STPG2: variants seen among roughly 807,000 people sequenced by gnomAD.
STPG2 encodes the protein sperm-tail PG-rich repeat-containing protein 2.
In STPG2, 56 loss-of-function variants were observed where a neutral mutation model predicts 54.2. The observed-to-expected ratio is 1.03, with a 90% CI of 0.83 to 1.29. STPG2 has a LOEUF of 1.29. Ranked by LOEUF, STPG2 falls within the 50% of genes most tolerant of loss-of-function variation. STPG2 has a pLI of 0.00. For synonymous variants in STPG2, 200 were observed against 181.8 expected, an observed-to-expected ratio of 1.10 and a Z score of -0.81; for missense variants, 596 against 544.9, an observed-to-expected ratio of 1.09 and a Z score of -0.93.
intron 8 of STPG2, among the ~76,000 whole-genome samples, chr4:97,928,631 G>C (rs1025580298): frequency 6.6e-6 from 1 of 151,980 alleles, no homozygotes; most frequent in Non-Finnish European, 1.5e-5. Flanking sequence ...TTGTTGTGGG[G>C]TTGTTTTTGT....
intron 10 of STPG2, 111 bp from the exon 11 acceptor site, chr4:97,559,228 G>A: frequency 1.4e-6 from 1 of 696,146 alleles, no homozygotes; most frequent in Non-Finnish European, 2.4e-6. Flanking sequence ...AAAATTAGAA[G>A]TTAAATATAT....
chr4:97,797,592 G>T (rs1727239267), intron 9 of STPG2, among the ~76,000 whole-genome samples: 2 of 152,206 alleles, frequency 1.3e-5, no homozygotes, highest in Non-Finnish European at 2.9e-5. Context: ...TGGTTAGCCA[G>T]TGTATTATTC....
rs1724167913 is a variant in STPG2, at chr4:97,712,817, G to A, written c.1205-3C>T. 1.9e-6 allele frequency: 3 copies of A among 1,553,562 alleles called. No individual in the cohort carries two copies. The South Asian group carries it at 3.6e-5, about 19-fold the overall frequency. On this transcript the variant is annotated splice_polypyrimidine_tract_variant and splice_region_variant and intron_variant, in intron 9 of 10. Transcript: ENST00000295268. ...AACAGGATTGTATGCTGCAGGACCTGAGAGACAACAAATGTAAAAATTATG... is the reference window on the plus strand; with the variant it reads ...AACAGGATTGTATGCTGCAGGACCTAAGAGACAACAAATGTAAAAATTATG...
chr4:97,571,241 T>TGATA (rs1225520065), intron 10 of STPG2, among the ~76,000 whole-genome samples: 1 of 152,112 alleles, frequency 6.6e-6, no homozygotes, highest in East Asian at 1.9e-4. Flanking sequence ...ATTCAATAGA[T>TGATA]GATAGCCTTC....
chr4:97,890,554 G>T (rs573212051), intron 8 of STPG2, among the ~76,000 whole-genome samples: 82 of 151,942 alleles, frequency 5.4e-4, no homozygotes, highest in African/African-American at 2.0e-3. Context: ...TAATAAAACT[G>T]AAGAGAAGTT....
At chr4:97,952,724 T>G (rs1560607005) in intron 7 of STPG2, among the ~76,000 whole-genome samples, 1 of 152,090 alleles carries the variant, frequency 6.6e-6, no homozygotes, top group Admixed American at 6.6e-5. Context: ...TAAATAGCCT[T>G]AGTGTGTTGG....
chr4:98,024,747 T>G (rs1323105774), intron 5 of STPG2, among the ~76,000 whole-genome samples: 1 of 152,252 alleles, frequency 6.6e-6, no homozygotes, highest in African/African-American at 2.4e-5. Flanking sequence ...ACTTTCACTG[T>G]GCTTTCTCTC....
At chr4:97,593,334 G>C (rs1424355429) in intron 10 of STPG2, among the ~76,000 whole-genome samples, 1 of 152,106 alleles carries the variant, frequency 6.6e-6, no homozygotes, top group Non-Finnish European at 1.5e-5. Flanking sequence ...AGTGTACATG[G>C]GCAGACGTCA....
intron 9 of STPG2, among the ~76,000 whole-genome samples, chr4:97,755,002 G>A (rs1398346107): frequency 5.9e-5 from 9 of 152,090 alleles, no homozygotes; most frequent in Admixed American, 5.9e-4. Context: ...GGATGACTAA[G>A]GTTAACGAGG....
intron 9 of STPG2, among the ~76,000 whole-genome samples, chr4:97,783,376 T>A (rs1243610577): frequency 1.3e-5 from 2 of 152,312 alleles, no homozygotes; most frequent in East Asian, 1.9e-4. Context: ...CAAGATGAGA[T>A]AACATCTCAC....
chr4:98,139,735 A>T (rs1740229669), intron 1 of STPG2, among the ~76,000 whole-genome samples: 1 of 152,188 alleles, frequency 6.6e-6, no homozygotes, highest in Non-Finnish European at 1.5e-5. Flanking sequence ...TTCCTACTTT[A>T]TCTCATAGAT....
chr4:97,581,857 C>G (rs934061002), intron 10 of STPG2, among the ~76,000 whole-genome samples: 1 of 151,702 alleles, frequency 6.6e-6, no homozygotes, highest in East Asian at 1.9e-4. Flanking sequence ...TTTGGCTGAT[C>G]TGATCTGAAA....
chr4:97,789,216 AG>A (rs1211104179), intron 9 of STPG2, among the ~76,000 whole-genome samples: 1 of 152,016 alleles, frequency 6.6e-6, no homozygotes, highest in Non-Finnish European at 1.5e-5. Flanking sequence ...AGAGAAAAAA[AG>A]AGGTATACCT....
At chr4:98,111,851 T>TC (rs1304950464) in intron 3 of STPG2, among the ~76,000 whole-genome samples, 1 of 152,100 alleles carries the variant, frequency 6.6e-6, no homozygotes, top group Non-Finnish European at 1.5e-5. Flanking sequence ...TGTTCTCTTT[T>TC]CTGGATCTGA....
intron 4 of STPG2, among the ~76,000 whole-genome samples, chr4:97,547,217 T>A (rs1190522017): frequency 1.3e-5 from 2 of 151,826 alleles, no homozygotes; most frequent in Non-Finnish European, 1.5e-5. Context: ...AGAAACTTTT[T>A]TTTTTTTTTT....
chr4:97,857,225 T>C (rs1477839436), intron 8 of STPG2, among the ~76,000 whole-genome samples: 2 of 151,964 alleles, frequency 1.3e-5, no homozygotes, highest in Admixed American at 6.6e-5. Flanking sequence ...ATGGTTTCCA[T>C]AGAAATGTTA....
At chr4:97,924,601 T>G (rs1160778017) in intron 8 of STPG2, among the ~76,000 whole-genome samples, 1 of 152,192 alleles carries the variant, frequency 6.6e-6, no homozygotes, top group Non-Finnish European at 1.5e-5. Context: ...GGGATATGAG[T>G]TCTTAAATGT....
intron 9 of STPG2, among the ~76,000 whole-genome samples, chr4:97,834,360 G>A (rs1010297340): frequency 4.6e-5 from 7 of 152,044 alleles, no homozygotes; most frequent in African/African-American, 1.4e-4. Flanking sequence ...GCCTGTCATG[G>A]GGTGGGGCGC....
intron 8 of STPG2, among the ~76,000 whole-genome samples, chr4:97,940,072 C>A (rs547915641): frequency 1.8e-4 from 27 of 152,270 alleles, no homozygotes; most frequent in South Asian, 4.1e-4. Flanking sequence ...CTTAACTTAG[C>A]TGGATATAAA....
Sources: allele counts gnomAD v4.1 joint callset (sites outside exome capture counted in the v4.1 genomes callset), GRCh38; gene constraint gnomAD v4.1.1; transcripts MANE v1.5; gene names NCBI Gene and HGNC (gene_info 2026-07-23, HGNC 2026-07-21).